NUP188: variants seen among roughly 807,000 people sequenced by gnomAD.
NUP188 encodes nucleoporin NUP188.
Under a neutral mutation model 223.0 loss-of-function variants are expected in NUP188, and 97 were observed. That is an observed-to-expected ratio of 0.43 (90% confidence interval 0.37 to 0.51). The LOEUF is 0.51. Among genes scored for constraint, NUP188 ranks in the 20% least tolerant of loss-of-function variants. The pLI is 0.00. For missense variants in NUP188, 1,947 were observed against 2,175.6 expected (o/e 0.89, Z 2.09); for synonymous variants, 869 against 828.0 (o/e 1.05, Z -0.85).
At position 128,977,773 on chromosome 9, in the gene NUP188, T is replaced by C. The variant is rs368749030; in HGVS notation, c.1204-1489T>C. Among the ~76,000 whole-genome samples the C allele has an allele frequency of 8.0e-4, 121 of 152,190 alleles. 2 individuals carry two copies. The South Asian group carries it at 0.025, about 31-fold the overall frequency. On this transcript the variant is annotated intron_variant, in intron 12 of 43. Coordinates refer to ENST00000372577, the MANE Select transcript of NUP188 (RefSeq NM_015354.3). The stretch of plus-strand genomic sequence containing the variant: ...GAGATTGTGCTATTACACTCCAGTC[T>C]GGGTGAAAGACCGAAACTTCATCTA...
chr9:128,966,653 C>T (rs1245106941), intron 8 of NUP188, among the ~76,000 whole-genome samples: 1 of 152,060 alleles, frequency 6.6e-6, no homozygotes, highest in African/African-American at 2.4e-5. Flanking sequence ...TCTTATTGTT[C>T]TCAATGTTTT....
At chr9:128,989,030 C>T (rs1842379002) in intron 24 of NUP188, among the ~76,000 whole-genome samples, 1 of 151,844 alleles carries the variant, frequency 6.6e-6, no homozygotes, top group South Asian at 2.1e-4. Flanking sequence ...GCTGGGATTA[C>T]AGGCATGAGC....
intron 13 of NUP188, among the ~76,000 whole-genome samples, chr9:128,979,667 C>G (rs1490703557): frequency 6.6e-6 from 1 of 151,742 alleles, no homozygotes; most frequent in Non-Finnish European, 1.5e-5. Flanking sequence ...GAGTCTTGCT[C>G]TGTTGCCCAG....
chr9:128,990,944 G>A (rs1191083737), intron 25 of NUP188, among the ~76,000 whole-genome samples: 1 of 152,216 alleles, frequency 6.6e-6, no homozygotes, highest in African/African-American at 2.4e-5. Flanking sequence ...CTTGAACCCG[G>A]GAGGCAGAAG....
intron 4 of NUP188, among the ~76,000 whole-genome samples, chr9:128,956,665 C>CT (rs1473126690): frequency 2.0e-5 from 3 of 152,148 alleles, no homozygotes; most frequent in African/African-American, 7.2e-5. Context: ...TTTAAGGTGA[C>CT]TAAGTTTGTC....
At chr9:129,006,419 G>T in intron 43 of NUP188, 51 bp downstream of exon 43, 1 of 1,613,364 alleles carries the variant, frequency 6.2e-7, no homozygotes, top group South Asian at 1.1e-5. Context: ...CCAGAGCCCT[G>T]TGGGGTCCTG....
chr9:129,006,425 T>C (rs1842807481), intron 43 of NUP188, 57 bp downstream of exon 43: 2 of 1,612,250 alleles, frequency 1.2e-6, no homozygotes, highest in African/African-American at 2.7e-5. Flanking sequence ...CCCTGTGGGG[T>C]CCTGCCTGGC....
chr9:128,993,765 A>G (rs1842471021), intron 27 of NUP188, 71 bp downstream of exon 27: 1 of 1,427,030 alleles, frequency 7.0e-7, no homozygotes, highest in Non-Finnish European at 9.7e-7. Context: ...CTCTTATCCC[A>G]GAGGTTTGTT....
At chr9:128,969,866 C>T (rs932945465) in intron 10 of NUP188, among the ~76,000 whole-genome samples, 2 of 152,052 alleles carry the variant, frequency 1.3e-5, no homozygotes, top group African/African-American at 2.4e-5. Context: ...CTCCTGACTT[C>T]GTGATCCTCC....
chr9:128,964,412 A>G (rs1397203251), intron 8 of NUP188: 1 of 214,268 alleles, frequency 4.7e-6, no homozygotes, highest in South Asian at 5.1e-5. Context: ...CTCAGACTGG[A>G]ATCCAGTGGT....
At chr9:128,973,625 C>G (rs1307360926) in intron 12 of NUP188, among the ~76,000 whole-genome samples, 1 of 152,150 alleles carries the variant, frequency 6.6e-6, no homozygotes. Flanking sequence ...TCAGGCGATC[C>G]GCCTGCCTCG....
rs1455438504 is a variant in NUP188 at position 128,990,881 on chromosome 9, T to G, written c.2640+655T>G. Among the ~76,000 whole-genome samples the G allele has an allele frequency of 9.9e-5, 15 of 151,708 alleles. No individual in the cohort carries two copies. In the East Asian group the frequency reaches 2.9e-3, roughly 30 times the overall value. ...CTCCATCTCAAAAATTAGCCAGGCG[T>G]GGTGGCAGGTGCCTGTGATCCCAGC... On this transcript the variant is annotated intron_variant, in intron 25 of 43. Coordinates refer to ENST00000372577, the MANE Select transcript of NUP188 (RefSeq NM_015354.3).
intron 6 of NUP188, among the ~76,000 whole-genome samples, 188 bp from the exon 7 acceptor site, chr9:128,958,614 A>G (rs1255777501): frequency 6.6e-6 from 1 of 152,162 alleles, no homozygotes; most frequent in Non-Finnish European, 1.5e-5. Flanking sequence ...TTCATCCTGT[A>G]TATTCTGGTT....
At chr9:129,004,858 GGA>G (rs1315581297) in intron 38 of NUP188, 1 of 480,342 alleles carries the variant, frequency 2.1e-6, no homozygotes, top group Non-Finnish European at 3.7e-6. Flanking sequence ...TGGGTCTCAG[GGA>G]GACAGTCCAG....
intron 6 of NUP188, among the ~76,000 whole-genome samples, chr9:128,958,458 A>C (rs1200182327): frequency 6.6e-6 from 1 of 152,202 alleles, no homozygotes; most frequent in East Asian, 1.9e-4. Flanking sequence ...CATTAGTTAC[A>C]AGCAATTAGG....
Position 129,006,579 on chromosome 9 carries a change from G to A in NUP188, c.5151G>A (p.Ser1717=), listed in dbSNP as rs754094593. 25 of 1,614,032 alleles carry A rather than the reference G, an allele frequency of 1.5e-5. No individual in the cohort carries two copies. Among genetic ancestry groups the A allele is most frequent in the Admixed American group, 1.5e-4 (9 of 60,008 alleles). The stretch of plus-strand genomic sequence containing the variant: ...CCCCTGCCACTGGTGTCCTCCCCTC[G>A]CCGCAGGGCAAGTCCACCTCTCTCT... ...PSSPATGVLP[S]PQGKSTSLSK... is the part of the protein sequence containing the mutation. Residue 1717 remains serine, a synonymous_variant, in exon 44 of 44, where the codon TCG becomes TCA. Coordinates refer to ENST00000372577, the MANE Select transcript of NUP188 (RefSeq NM_015354.3).
chr9:128,963,972 G>A (rs371529609), intron 8 of NUP188, among the ~76,000 whole-genome samples: 180 of 151,924 alleles, frequency 1.2e-3, no homozygotes, highest in African/African-American at 4.1e-3. Flanking sequence ...ATGCCACCAC[G>A]TCCGGCTAAT....
At chr9:128,986,732 CTT>C (rs1842338878) in intron 21 of NUP188, 54 bp downstream of exon 21, 1 of 1,613,622 alleles carries the variant, frequency 6.2e-7, no homozygotes, top group Admixed American at 1.7e-5. Context: ...CACTGGAGAG[CTT>C]TTTTCTTTCC....
chr9:128,999,001 T>A (rs1013605547), intron 32 of NUP188, among the ~76,000 whole-genome samples, 171 bp from the exon 33 acceptor site: 5 of 151,798 alleles, frequency 3.3e-5, no homozygotes, highest in African/African-American at 1.2e-4. Context: ...GGATTACGGG[T>A]GCGCGCTACC....
Sources: allele counts gnomAD v4.1 joint callset (sites outside exome capture counted in the v4.1 genomes callset), GRCh38; gene constraint gnomAD v4.1.1; transcripts MANE v1.5; gene names NCBI Gene and HGNC (gene_info 2026-07-23, HGNC 2026-07-21).